TRPM3: variants seen among roughly 807,000 people sequenced by gnomAD.
TRPM3 encodes transient receptor potential cation channel subfamily M member 3.
In TRPM3, 77 loss-of-function variants were observed where a neutral mutation model predicts 181.2. The observed-to-expected ratio is 0.42, with a 90% CI of 0.35 to 0.51. The LOEUF (loss-of-function observed/expected upper bound fraction) is 0.51, where lower values mean the gene tolerates loss of function less well. Ranked by LOEUF, TRPM3 falls within the 20% of genes least tolerant of loss-of-function variation. The pLI, the probability that TRPM3 is intolerant of heterozygous loss-of-function variation, is 0.01. For synonymous variants in TRPM3, 745 were observed against 796.4 expected (o/e 0.94, Z 1.09); for missense variants, 1,759 against 2,196.7 (o/e 0.80, Z 3.98).
At chr9:71,132,206 G>A (rs112964465) in intron 1 of TRPM3, among the ~76,000 whole-genome samples, 234 of 152,264 alleles carry the variant, frequency 1.5e-3, no homozygotes, top group African/African-American at 5.3e-3. Flanking sequence ...TTTTACATCT[G>A]AGCAAACTGA....
At chr9:70,649,658 G>T (rs2059362429) in intron 9 of TRPM3, among the ~76,000 whole-genome samples, 1 of 152,088 alleles carries the variant, frequency 6.6e-6, no homozygotes, top group African/African-American at 2.4e-5. Context: ...TTTTGGTGAG[G>T]TTGCAAAGAA....
At chr9:71,407,506 T>C (rs1051962200) in intron 1 of TRPM3, among the ~76,000 whole-genome samples, 18 of 152,186 alleles carry the variant, frequency 1.2e-4, no homozygotes, top group African/African-American at 4.3e-4. Flanking sequence ...AAAATGTGAG[T>C]CAGCAGTGAG....
chr9:71,168,505 T>C (rs2076645272), intron 1 of TRPM3, among the ~76,000 whole-genome samples: 2 of 121,342 alleles, frequency 1.6e-5, no homozygotes, highest in Admixed American at 8.9e-5. Context: ...AGCCCTGACA[T>C]TTTTCTTTTT....
At chr9:71,051,757 C>T (rs953333882) in intron 1 of TRPM3, among the ~76,000 whole-genome samples, 1 of 152,026 alleles carries the variant, frequency 6.6e-6, no homozygotes, top group African/African-American at 2.4e-5. Flanking sequence ...AATATGAGGA[C>T]AAAATATTAT....
At chr9:70,932,469 G>A (rs2096785201) in intron 1 of TRPM3, among the ~76,000 whole-genome samples, 1 of 152,080 alleles carries the variant, frequency 6.6e-6, no homozygotes, top group Non-Finnish European at 1.5e-5. Context: ...TCTCATGATG[G>A]AGACAGACAT....
chr9:70,651,545 A>G (rs2059594543), intron 9 of TRPM3, among the ~76,000 whole-genome samples: 1 of 152,124 alleles, frequency 6.6e-6, no homozygotes, highest in African/African-American at 2.4e-5. Context: ...TTGTTTTTGC[A>G]CATACTGTTC....
chr9:71,074,670 T>A (rs2063213445), intron 1 of TRPM3, among the ~76,000 whole-genome samples: 2 of 152,216 alleles, frequency 1.3e-5, no homozygotes, highest in Non-Finnish European at 2.9e-5. Context: ...TTAAAAGAGA[T>A]GACACCTGTA....
At chr9:71,325,114 T>TTATA in intron 1 of TRPM3, among the ~76,000 whole-genome samples, 1 of 152,026 alleles carries the variant, frequency 6.6e-6, no homozygotes, top group East Asian at 1.9e-4. Context: ...TCATTGCAAA[T>TTATA]TATATATATA....
intron 1 of TRPM3, among the ~76,000 whole-genome samples, chr9:70,924,155 C>T (rs542797952): frequency 3.2e-4 from 49 of 151,842 alleles, no homozygotes; most frequent in Non-Finnish European, 6.3e-4. Flanking sequence ...TGGCTAGAGG[C>T]CAGAGATGCT....
At chr9:71,079,210 G>C (rs932956974) in intron 1 of TRPM3, among the ~76,000 whole-genome samples, 3 of 152,142 alleles carry the variant, frequency 2.0e-5, no homozygotes, top group African/African-American at 7.2e-5. Flanking sequence ...GCTGGAACTT[G>C]GGTAAACCAC....
chr9:71,334,454 T>G (rs1246990532), intron 1 of TRPM3, among the ~76,000 whole-genome samples: 1 of 151,356 alleles, frequency 6.6e-6, no homozygotes, highest in African/African-American at 2.4e-5. Flanking sequence ...TAAAACATTT[T>G]AAGACAAAAT....
intron 1 of TRPM3, among the ~76,000 whole-genome samples, chr9:71,316,578 C>G (rs1056218069): frequency 6.6e-6 from 1 of 151,968 alleles, no homozygotes; most frequent in African/African-American, 2.4e-5. Context: ...CACCAAGAGA[C>G]GTAACATTGC....
chr9:71,261,054 TG>T (rs1385776962), intron 1 of TRPM3, among the ~76,000 whole-genome samples: 4 of 152,186 alleles, frequency 2.6e-5, no homozygotes, highest in African/African-American at 9.7e-5. Context: ...TGGCCTGCCT[TG>T]CTAGGTTGGG....
chr9:71,376,347 T>C (rs538127450), intron 1 of TRPM3, among the ~76,000 whole-genome samples: 2 of 152,170 alleles, frequency 1.3e-5, no homozygotes, highest in East Asian at 3.9e-4. Context: ...GAAACAATTT[T>C]CCCTTGCAAG....
chr9:71,237,349 C>G (rs73647974), intron 1 of TRPM3, among the ~76,000 whole-genome samples: 2,875 of 152,132 alleles, frequency 0.019, 100 homozygotes, highest in African/African-American at 0.067. Flanking sequence ...CAACATTTTC[C>G]TACATCATAT....
intron 2 of TRPM3, among the ~76,000 whole-genome samples, chr9:70,864,000 T>C (rs1213598554): frequency 6.6e-6 from 1 of 152,044 alleles, no homozygotes; most frequent in East Asian, 1.9e-4. Context: ...GTAAGTAGGG[T>C]GCTAACAAAG....
intron 6 of TRPM3, among the ~76,000 whole-genome samples, chr9:70,820,110 C>T (rs766774465): frequency 2.6e-5 from 4 of 152,152 alleles, no homozygotes; most frequent in Admixed American, 2.6e-4. Context: ...GACACTGATA[C>T]AGCTTGGATT....
At chr9:70,962,377 C>T (rs1347018468) in intron 1 of TRPM3, among the ~76,000 whole-genome samples, 1 of 152,080 alleles carries the variant, frequency 6.6e-6, no homozygotes, top group Non-Finnish European at 1.5e-5. Flanking sequence ...TGTACATCAG[C>T]AGTTAAAAGC....
In TRPM3 at chr9:70,557,447, T is replaced by C. The variant is rs572727473; in HGVS notation, c.3224-4137A>G. ...GCAGTTAATGCAAAATGTTGTTCTA[T>C]AATGGTTTCTAATGATGTCCTTGTT... On this transcript the variant is annotated intron_variant, in intron 22 of 25. Transcript: ENST00000677713. Among the ~76,000 whole-genome samples, 4 of 152,342 alleles carry C rather than the reference T, an allele frequency of 2.6e-5. No homozygotes were observed. The South Asian group carries it at 8.3e-4, about 32-fold the overall frequency.
Sources: allele counts gnomAD v4.1 joint callset (sites outside exome capture counted in the v4.1 genomes callset), GRCh38; gene constraint gnomAD v4.1.1; transcripts MANE v1.5; gene names NCBI Gene and HGNC (gene_info 2026-07-23, HGNC 2026-07-21).